PRPF4: variants seen among roughly 807,000 people sequenced by gnomAD.
PRPF4 encodes pre-mRNA splicing tri-snRNP complex factor PRPF4.
Under a neutral mutation model 72.2 loss-of-function variants are expected in PRPF4, and 14 were observed. The ratio of observed to expected loss-of-function variants is 0.19; its 90% CI spans 0.13 to 0.30. The LOEUF (loss-of-function observed/expected upper bound fraction) is 0.30, where lower values mean the gene tolerates loss of function less well. Among genes scored for constraint, PRPF4 ranks in the 10% least tolerant of loss-of-function variants. The pLI, the probability that PRPF4 is intolerant of heterozygous loss-of-function variation, is 1.00. For missense variants in PRPF4, 478 were observed against 653.9 expected, an observed-to-expected ratio of 0.73 and a Z score of 2.93; for synonymous variants, 225 against 232.2, an observed-to-expected ratio of 0.97 and a Z score of 0.28.
intron 7 of PRPF4, among the ~76,000 whole-genome samples, chr9:113,285,028 G>A (rs1832393487): frequency 6.6e-6 from 1 of 151,984 alleles, no homozygotes; most frequent in African/African-American, 2.4e-5. Context: ...ACCTTTAGAT[G>A]GGTTCAGGAG....
intron 7 of PRPF4, among the ~76,000 whole-genome samples, chr9:113,284,655 T>C (rs10981713): frequency 0.071 from 10,790 of 152,224 alleles, 685 homozygotes; most frequent in East Asian, 0.31. Context: ...TTGGAACAGG[T>C]CCTGTAGTGA....
chr9:113,276,624 A>T lies in PRPF4; in HGVS notation c.104A>T (p.Glu35Val). ...KKPHIYYGSL[E>V]EKERERLAKG... ...CCACACATCTATTATGGAAGTTTGG[A>T]AGAGAAGGAGAGGGAGCGTCTGGCC... The change falls in exon 2 of 14, where the codon GAA becomes GTA. Residue 35 changes from glutamate to valine, a missense_variant. Physicochemically the swap from Glu to Val is moderately radical, Grantham distance 121. Coordinates refer to ENST00000374198, the MANE Select transcript of PRPF4 (RefSeq NM_001244926.2). 6.2e-7 allele frequency: 1 copy of T among 1,614,134 alleles called. No homozygotes were observed. Among genetic ancestry groups the T allele is most frequent in the South Asian group, 1.1e-5 (1 of 91,076 alleles).
chr9:113,285,586 G>C (rs543036003), intron 7 of PRPF4, among the ~76,000 whole-genome samples: 1 of 151,398 alleles, frequency 6.6e-6, no homozygotes, highest in Non-Finnish European at 1.5e-5. Context: ...CACCGTGTTA[G>C]CCAGGATGGG....
chr9:113,287,753 G>A (rs1457422385), intron 9 of PRPF4, among the ~76,000 whole-genome samples: 3 of 152,142 alleles, frequency 2.0e-5, no homozygotes, highest in Non-Finnish European at 1.5e-5. Flanking sequence ...TTTTAATTGC[G>A]TTCCTTAGAG....
chr9:113,276,459 T>C (rs1000147463), intron 1 of PRPF4, 89 bp from the exon 2 acceptor site: 15 of 1,428,434 alleles, frequency 1.1e-5, no homozygotes, highest in Middle Eastern at 1.8e-4. Context: ...AACAGGACTG[T>C]GAAACTCAGG....
rs1196814279 is a variant in PRPF4 at position 113,275,907 on chromosome 9, C to G, written c.27+137C>G. On this transcript the variant is annotated intron_variant, in intron 1 of 13. Transcript: ENST00000374198. The stretch of plus-strand genomic sequence containing the variant: ...GAAGGCTGCGGGACTCAGCGGTGTC[C>G]TACACAGCGGACCACCGTTTTCCTG... 5.1e-6 allele frequency: 6 copies of G among 1,184,056 alleles called. No individual in the cohort carries two copies. The African/African-American group carries it at 7.9e-5, about 16-fold the overall frequency. 73.3% of individuals were successfully genotyped at this position (1,184,056 alleles called of 1,614,324 possible).
intron 13 of PRPF4, 127 bp downstream of exon 13, chr9:113,291,143 G>A (rs1832597249): frequency 3.0e-6 from 3 of 985,208 alleles, no homozygotes; most frequent in Admixed American, 1.9e-5. Flanking sequence ...ACTGGTAAAG[G>A]AGCAAATTAT....
rs1317101392 is a variant in PRPF4, at chr9:113,286,287, C to T, written c.805C>T (p.Arg269Ter). The T allele has an allele frequency of 1.9e-6, 3 of 1,610,346 alleles. No individual in the cohort carries two copies. The highest frequency in any genetic ancestry group is 2.2e-5 in the South Asian group (2 of 91,012). The change falls in exon 8 of 14, where the codon CGA becomes TGA. Residue 269 changes from arginine (R) to a stop codon, truncating the protein, a stop_gained. Coordinates refer to ENST00000374198, the MANE Select transcript of PRPF4 (RefSeq NM_001244926.2). LOFTEE classifies it high-confidence loss of function. ...VPDCNLLHTL[R>*]GHNTNVGAIV... ...TGATTGCAACCTCCTTCACACTCTT[C>T]GAGGTAAGTTAGAGTCTTATCCAAA... is the stretch of plus-strand genomic sequence containing the variant.
At chr9:113,279,354 T>C (rs991293169) in intron 3 of PRPF4, among the ~76,000 whole-genome samples, 2 of 90,860 alleles carry the variant, frequency 2.2e-5, no homozygotes, top group Middle Eastern at 5.1e-3. Flanking sequence ...TGTTTTGTTT[T>C]GTTTTGTTTT....
chr9:113,282,211 G>A (rs1260459554), intron 3 of PRPF4, among the ~76,000 whole-genome samples: 1 of 152,228 alleles, frequency 6.6e-6, no homozygotes, highest in Non-Finnish European at 1.5e-5. Context: ...AGTGGCTCAT[G>A]CCCGTAATCC....
chr9:113,275,684 T>G lies in PRPF4; in HGVS notation c.-60T>G. On this transcript the variant is annotated 5_prime_UTR_variant, in exon 1 of 14. Transcript: ENST00000374198. ...CACTTCCCCTCTGCTGGGCGCGCGG[T>G]GGACGGTCTGAAAGGGAGTGTTCGG... is the stretch of plus-strand genomic sequence containing the variant. The G allele has an allele frequency of 6.4e-7, 1 of 1,573,276 alleles. No homozygotes were observed. The highest frequency in any genetic ancestry group is 1.1e-5 in the South Asian group (1 of 87,104).
At chr9:113,284,503 T>C in intron 7 of PRPF4, 114 bp downstream of exon 7, 2 of 847,538 alleles carry the variant, frequency 2.4e-6, no homozygotes, top group South Asian at 2.9e-5. Flanking sequence ...CTTCTCATGA[T>C]CACACCAAAC....
chr9:113,286,710 A>G lies in PRPF4; in HGVS notation c.814A>G (p.Asn272Asp). The change falls in exon 9 of 14, where the codon AAC becomes GAC. Residue 272 changes from asparagine to aspartate, a missense_variant. Transcript: ENST00000374198. ...CATCTCTTACACTCCTTTAGGGCAT[A>G]ACACAAATGTAGGAGCAATTGTATT... Reference protein sequence around the residue: ...CNLLHTLRGHNTNVGAIVFHP... With the variant: ...CNLLHTLRGHDTNVGAIVFHP... The G allele has an allele frequency of 6.2e-7, 1 of 1,614,192 alleles. No homozygotes were observed. Among genetic ancestry groups the G allele is most frequent in the Non-Finnish European group, 8.5e-7 (1 of 1,180,014 alleles).
chr9:113,284,126 A>G (rs966339662), intron 6 of PRPF4, among the ~76,000 whole-genome samples, 169 bp from the exon 7 acceptor site: 1 of 151,476 alleles, frequency 6.6e-6, no homozygotes, highest in Non-Finnish European at 1.5e-5. Context: ...ATATAACTTC[A>G]TTTATCAATG....
intron 2 of PRPF4, 83 bp from the exon 3 acceptor site, chr9:113,278,862 G>T: frequency 7.3e-7 from 1 of 1,364,338 alleles, no homozygotes; most frequent in Non-Finnish European, 1.0e-6. Flanking sequence ...TTCCCTCAGG[G>T]CATACACAGA....
intron 7 of PRPF4, 26 bp downstream of exon 7, chr9:113,284,415 T>G: frequency 6.4e-7 from 1 of 1,558,756 alleles, no homozygotes; most frequent in East Asian, 2.2e-5. Flanking sequence ...CAATGACATT[T>G]TTTCCTAAAT....
chr9:113,289,428 AC>A (rs1370252282), intron 10 of PRPF4, among the ~76,000 whole-genome samples: 1 of 152,168 alleles, frequency 6.6e-6, no homozygotes, highest in East Asian at 1.9e-4. Context: ...AAGCGGTTAC[AC>A]CATTTTACAT....
chr9:113,279,333 C>T (rs536639419), intron 3 of PRPF4, among the ~76,000 whole-genome samples: 8 of 143,918 alleles, frequency 5.6e-5, no homozygotes, highest in African/African-American at 1.4e-4. Context: ...TGTGTTTGTT[C>T]GTTTTTGTTT....
Position 113,285,343 on chromosome 9 carries a change from A to ATTTTTTTT in PRPF4, c.750-843_750-836dup, listed in dbSNP as rs71367713. On this transcript the variant is annotated intron_variant, in intron 7 of 13. Coordinates refer to ENST00000374198, the MANE Select transcript of PRPF4 (RefSeq NM_001244926.2). Reference sequence around the variant, plus strand: ...CAATAGTGAGACCCTGTCTCTACAAATTTTTTTTTTTTTTTTTTTTTTTTT... The same window carrying ATTTTTTTT: ...CAATAGTGAGACCCTGTCTCTACAAATTTTTTTTTTTTTTTTTTTTTTTTTTTTTTTTT... 7.1e-4 allele frequency among the ~76,000 whole-genome samples: 48 copies of ATTTTTTTT among 67,576 alleles called. 2 individuals carry two copies. The highest frequency in any genetic ancestry group is 1.1e-3 in the Non-Finnish European group (37 of 34,182). The allele number at this position is 67,576 out of a possible 152,430, so 44.3% of individuals were successfully genotyped here.
Sources: allele counts gnomAD v4.1 joint callset (sites outside exome capture counted in the v4.1 genomes callset), GRCh38; gene constraint gnomAD v4.1.1; transcripts MANE v1.5; gene names NCBI Gene and HGNC (gene_info 2026-07-23, HGNC 2026-07-21).